Variants in ENAH observed in about 807,000 individuals in gnomAD.
The protein encoded by ENAH is protein enabled homolog.
In ENAH, 23 loss-of-function variants were observed where a neutral mutation model predicts 78.7. The ratio of observed to expected loss-of-function variants is 0.29; its 90% CI spans 0.21 to 0.41. The LOEUF is 0.41. Among genes scored for constraint, ENAH ranks in the 10% least tolerant of loss-of-function variants. The pLI, the probability that ENAH is intolerant of heterozygous loss-of-function variation, is 1.00. For missense variants in ENAH, 544 were observed against 691.0 expected (o/e 0.79, Z 2.39); for synonymous variants, 226 against 241.0 (o/e 0.94, Z 0.58).
Position 225,495,773 on chromosome 1 carries a change from A to G in ENAH, c.*2002T>C, listed in dbSNP as rs2096247434. 1 of 152,584 alleles carries G rather than the reference A, an allele frequency of 6.6e-6. No individual in the cohort carries two copies. Among genetic ancestry groups the G allele is most frequent in the African/African-American group, 2.4e-5 (1 of 41,440 alleles). 9.5% of individuals were successfully genotyped at this position (152,584 alleles called of 1,614,324 possible). On this transcript the variant is annotated 3_prime_UTR_variant, in exon 14 of 14. Coordinates refer to ENST00000366843, the MANE Select transcript of ENAH (RefSeq NM_018212.6). Reference sequence around the variant, plus strand: ...TATTTCTTTTAGAAAATAATACTTAATAAGCTTGCTGCATCTTTGATGTTT... The same window carrying G: ...TATTTCTTTTAGAAAATAATACTTAGTAAGCTTGCTGCATCTTTGATGTTT...
intron 1 of ENAH, among the ~76,000 whole-genome samples, chr1:225,598,758 T>G (rs1302638447): frequency 6.6e-6 from 1 of 150,870 alleles, no homozygotes; most frequent in Admixed American, 6.6e-5. Flanking sequence ...CCCAGTAAAA[T>G]ATAAAGACAA....
At chr1:225,588,801 C>CAAAAAAAAAAAAAAAAA (rs55962047) in intron 1 of ENAH, among the ~76,000 whole-genome samples, 1 of 78,430 alleles carries the variant, frequency 1.3e-5, no homozygotes. Flanking sequence ...AAGTCTGTGT[C>CAAAAAAAAAAAAAAAAA]AAAAAAAAAA....
chr1:225,563,258 T>A (rs1286793442), intron 2 of ENAH, among the ~76,000 whole-genome samples: 1 of 152,170 alleles, frequency 6.6e-6, no homozygotes, highest in Non-Finnish European at 1.5e-5. Context: ...TTCTTTCTTA[T>A]CAATTCTTAC....
chr1:225,604,725 A>G (rs2096948160), intron 1 of ENAH, among the ~76,000 whole-genome samples: 1 of 152,046 alleles, frequency 6.6e-6, no homozygotes, highest in African/African-American at 2.4e-5. Flanking sequence ...CCCATGAGGC[A>G]GGGGTTGCAG....
At chr1:225,623,176 GA>G (rs1408828606) in intron 1 of ENAH, among the ~76,000 whole-genome samples, 1 of 152,138 alleles carries the variant, frequency 6.6e-6, no homozygotes, top group East Asian at 1.9e-4. Context: ...CAGGCTTAGA[GA>G]AAAATAAAAC....
At chr1:225,544,537 A>T (rs510293) in intron 3 of ENAH, among the ~76,000 whole-genome samples, 100,605 of 152,040 alleles carry the variant, frequency 0.66, 33,587 homozygotes, top group Middle Eastern at 0.74. Flanking sequence ...AGGCTAAAAT[A>T]ACTTGCTATG....
At chr1:225,558,857 T>C (rs2096684059) in intron 2 of ENAH, among the ~76,000 whole-genome samples, 1 of 151,982 alleles carries the variant, frequency 6.6e-6, no homozygotes, top group African/African-American at 2.4e-5. Flanking sequence ...AAGGTCTTGA[T>C]CTCCTGACCT....
At chr1:225,625,427 T>C (rs1041616865) in intron 1 of ENAH, among the ~76,000 whole-genome samples, 32 of 152,230 alleles carry the variant, frequency 2.1e-4, no homozygotes, top group African/African-American at 7.0e-4. Flanking sequence ...CCTTTTCTTC[T>C]TTTTAAAAAA....
intron 4 of ENAH, among the ~76,000 whole-genome samples, chr1:225,523,789 G>A (rs541798697): frequency 1.4e-4 from 22 of 152,224 alleles, no homozygotes; most frequent in Admixed American, 1.0e-3. Context: ...CTTTCTAGGA[G>A]GAGTTTCCAA....
intron 2 of ENAH, among the ~76,000 whole-genome samples, chr1:225,559,126 A>C (rs915172930): frequency 7.9e-5 from 12 of 152,166 alleles, no homozygotes; most frequent in African/African-American, 2.7e-4. Context: ...TATTAGTGTT[A>C]ATATGTGGCA....
Position 225,517,204 on chromosome 1 carries a change from G to A in ENAH, c.905C>T (p.Ser302Phe). The change falls in exon 6 of 14, where the codon TCC (serine) becomes TTC (phenylalanine). Residue 302 changes from serine to phenylalanine, a missense_variant. Transcript: ENST00000366843. ...QAASQPAETPSQQGIVLGPLA... is the reference protein window; with the variant it reads ...QAASQPAETPFQQGIVLGPLA... ...AATAATGAAAGCCTTACCCTGTTGGGATGGAGTCTCGGCCGGCTGAGAGGC... is the reference window on the plus strand; with the variant it reads ...AATAATGAAAGCCTTACCCTGTTGGAATGGAGTCTCGGCCGGCTGAGAGGC... The A allele has an allele frequency of 6.5e-7, 1 of 1,536,688 alleles. No homozygotes were observed. The highest frequency in any genetic ancestry group is 1.4e-5 in the African/African-American group (1 of 72,830).
chr1:225,517,097 G>T (rs2096425737), intron 6 of ENAH, 99 bp downstream of exon 6: 1 of 980,336 alleles, frequency 1.0e-6, no homozygotes, highest in Admixed American at 3.3e-5. Flanking sequence ...AAATGTTCAA[G>T]GATCAAAACC....
At position 225,620,387 on chromosome 1, in the gene ENAH, G is replaced by A. The variant is rs373991445; in HGVS notation, c.5+32299C>T. 2.4e-4 allele frequency among the ~76,000 whole-genome samples: 37 copies of A among 151,400 alleles called. No homozygotes were observed. The South Asian group carries it at 4.8e-3, about 20-fold the overall frequency. On this transcript the variant is annotated intron_variant, in intron 1 of 13. Coordinates refer to ENST00000366843, the MANE Select transcript of ENAH (RefSeq NM_018212.6). ...CCAAAAATACAAAAATTAGCTGGGC[G>A]TGGTGCCACATGCCTGTAGTCCCAG...
At position 225,520,210 on chromosome 1, in the gene ENAH, G is replaced by A. The variant is rs866558202; in HGVS notation, c.435-645C>T. Among the ~76,000 whole-genome samples, 17 of 151,614 alleles carry A rather than the reference G, an allele frequency of 1.1e-4. 1 individual carries two copies. The highest frequency in any genetic ancestry group is 2.1e-4 in the South Asian group (1 of 4,786). ...CTTGGGAGGCTGAGGCAGGAGAATC[G>A]CTTGAACCTGGGAGGCAGAGGCTGC... On this transcript the variant is annotated intron_variant, in intron 4 of 13. Coordinates refer to ENST00000366843, the MANE Select transcript of ENAH (RefSeq NM_018212.6).
chr1:225,529,003 A>C (rs1277318704), intron 4 of ENAH, among the ~76,000 whole-genome samples: 1 of 151,956 alleles, frequency 6.6e-6, no homozygotes, highest in African/African-American at 2.4e-5. Flanking sequence ...AGCCACCATT[A>C]TCTCCTGCCT....
chr1:225,610,158 A>G (rs1483976101), intron 1 of ENAH, among the ~76,000 whole-genome samples: 1 of 145,832 alleles, frequency 6.9e-6, no homozygotes, highest in Non-Finnish European at 1.5e-5. Context: ...CATTATGTTC[A>G]ATAAAAAAAA....
At position 225,497,826 on chromosome 1, in the gene ENAH, A is replaced by AAC; in HGVS notation, c.1676-16_1676-15dup. On this transcript the variant is annotated splice_polypyrimidine_tract_variant and intron_variant, in intron 13 of 13. Transcript: ENST00000366843. ...CCTGCCTGATTGCTGGATGGAAAAG[A>AAC]ACAAGTATTGAAAATAAATATAATG... 1.2e-6 allele frequency: 2 copies of AAC among 1,609,512 alleles called. No individual in the cohort carries two copies. Among genetic ancestry groups the AAC allele is most frequent in the South Asian group, 2.2e-5 (2 of 90,852 alleles).
chr1:225,634,848 A>T (rs1341402974), intron 1 of ENAH, among the ~76,000 whole-genome samples: 1 of 152,188 alleles, frequency 6.6e-6, no homozygotes, highest in African/African-American at 2.4e-5. Flanking sequence ...TTAAGTTTTG[A>T]AATCGGGAAG....
chr1:225,562,530 C>CCACT (rs2096711827), intron 2 of ENAH, among the ~76,000 whole-genome samples: 1 of 125,406 alleles, frequency 8.0e-6, no homozygotes, highest in Non-Finnish European at 1.6e-5. Flanking sequence ...TGAGATCGAG[C>CCACT]CACTGCACTC....
Sources: allele counts gnomAD v4.1 joint callset (sites outside exome capture counted in the v4.1 genomes callset), GRCh38; gene constraint gnomAD v4.1.1; transcripts MANE v1.5; gene names NCBI Gene and HGNC (gene_info 2026-07-23, HGNC 2026-07-21).